SORCS1: variants seen among roughly 807,000 people sequenced by gnomAD.
The protein encoded by SORCS1 is sortilin related VPS10 domain containing receptor 1, also known as VPS10 domain-containing receptor SorCS1.
In SORCS1, 60 loss-of-function variants were observed where a neutral mutation model predicts 146.1. The observed-to-expected ratio is 0.41, with a 90% CI of 0.33 to 0.51. The LOEUF is 0.51. Ranked by LOEUF, SORCS1 falls within the 20% of genes least tolerant of loss-of-function variation. The pLI, the probability that SORCS1 is intolerant of heterozygous loss-of-function variation, is 0.21. For synonymous variants in SORCS1, 637 were observed against 584.0 expected (o/e 1.09, Z -1.31); for missense variants, 1,352 against 1,487.6 (o/e 0.91, Z 1.50).
At chr10:106,827,261 A>G (rs961497826) in intron 3 of SORCS1, among the ~76,000 whole-genome samples, 1 of 141,836 alleles carries the variant, frequency 7.1e-6, no homozygotes, top group Non-Finnish European at 1.5e-5. Flanking sequence ...AACAGAGACT[A>G]TCATTGATTA....
intron 2 of SORCS1, among the ~76,000 whole-genome samples, chr10:106,948,210 A>G (rs1418909147): frequency 6.6e-6 from 1 of 152,206 alleles, no homozygotes; most frequent in Non-Finnish European, 1.5e-5. Context: ...ATGAAGAGAA[A>G]AAAAACAATA....
intron 2 of SORCS1, among the ~76,000 whole-genome samples, chr10:106,926,441 G>A (rs1463712887): frequency 6.6e-6 from 1 of 151,902 alleles, no homozygotes; most frequent in African/African-American, 2.4e-5. Flanking sequence ...GAAAAGTGGG[G>A]ATTAAAAAAA....
chr10:107,047,687 C>A (rs191276687), intron 1 of SORCS1, among the ~76,000 whole-genome samples: 47 of 152,242 alleles, frequency 3.1e-4, no homozygotes, highest in African/African-American at 1.1e-3. Flanking sequence ...CATTTGTCAC[C>A]GCAGTGCGTT....
chr10:106,594,327 T>A (rs1845783387), intron 24 of SORCS1, among the ~76,000 whole-genome samples: 2 of 152,220 alleles, frequency 1.3e-5, no homozygotes, highest in Admixed American at 1.3e-4. Context: ...ATTTTTTAAA[T>A]TCACACATAA....
intron 7 of SORCS1, among the ~76,000 whole-genome samples, chr10:106,707,120 G>C (rs1266751444): frequency 1.3e-5 from 2 of 151,976 alleles, no homozygotes; most frequent in Non-Finnish European, 1.5e-5. Flanking sequence ...AGGAGTGCTG[G>C]CATATTAGAT....
chr10:107,106,744 C>A (rs544028749), intron 1 of SORCS1, among the ~76,000 whole-genome samples: 1 of 152,158 alleles, frequency 6.6e-6, no homozygotes, highest in South Asian at 2.1e-4. Flanking sequence ...TATGTTTAAA[C>A]CTTATACCTG....
intron 1 of SORCS1, among the ~76,000 whole-genome samples, chr10:107,152,739 A>G (rs1018607297): frequency 1.3e-5 from 2 of 152,234 alleles, no homozygotes; most frequent in African/African-American, 2.4e-5. Flanking sequence ...CTGTGAGTCA[A>G]TTAAACCTCT....
At chr10:107,003,776 C>T (rs1957317469) in intron 1 of SORCS1, among the ~76,000 whole-genome samples, 1 of 152,092 alleles carries the variant, frequency 6.6e-6, no homozygotes, top group Non-Finnish European at 1.5e-5. Flanking sequence ...TAGTGTGCCT[C>T]TTGTTACATA....
intron 24 of SORCS1, among the ~76,000 whole-genome samples, chr10:106,589,888 C>CT (rs11329943): frequency 1.3e-5 from 2 of 151,736 alleles, no homozygotes; most frequent in Admixed American, 6.6e-5. Flanking sequence ...TTCTAGCAGC[C>CT]TTTTTTTCAT....
At chr10:106,859,813 C>A (rs569740228) in intron 2 of SORCS1, among the ~76,000 whole-genome samples, 3 of 152,154 alleles carry the variant, frequency 2.0e-5, no homozygotes, top group Non-Finnish European at 4.4e-5. Context: ...CCATGTATTA[C>A]ATTTACATGC....
intron 2 of SORCS1, among the ~76,000 whole-genome samples, chr10:106,885,796 A>T (rs1950977547): frequency 6.6e-6 from 1 of 152,144 alleles, no homozygotes; most frequent in South Asian, 2.1e-4. Flanking sequence ...GGTTTCCCCC[A>T]TACTGCTCTC....
chr10:106,908,150 A>G (rs1310240961), intron 2 of SORCS1, among the ~76,000 whole-genome samples: 2 of 152,112 alleles, frequency 1.3e-5, no homozygotes, highest in Non-Finnish European at 2.9e-5. Flanking sequence ...ATGGATTTGA[A>G]TCCCTGGACT....
chr10:106,830,693 C>T (rs745890419), intron 2 of SORCS1, among the ~76,000 whole-genome samples: 4 of 150,632 alleles, frequency 2.7e-5, no homozygotes, highest in African/African-American at 4.9e-5. Context: ...GTCAGGAATT[C>T]GAGACAAGCC....
chr10:106,851,287 G>T (rs1589551676), intron 2 of SORCS1, among the ~76,000 whole-genome samples: 1 of 152,164 alleles, frequency 6.6e-6, no homozygotes. Flanking sequence ...GGTCATTTAG[G>T]TTTTCTCCTA....
At chr10:107,121,393 A>G (rs1442067173) in intron 1 of SORCS1, among the ~76,000 whole-genome samples, 1 of 152,226 alleles carries the variant, frequency 6.6e-6, no homozygotes, top group Non-Finnish European at 1.5e-5. Flanking sequence ...CAGAAGAAGC[A>G]TCCCCACTGC....
intron 6 of SORCS1, among the ~76,000 whole-genome samples, chr10:106,719,863 A>G (rs533724892): frequency 1.3e-5 from 2 of 152,306 alleles, no homozygotes; most frequent in East Asian, 3.9e-4. Context: ...CCCTCTCTCT[A>G]TTCCAGCCAC....
chr10:106,606,880 A>G (rs1279187420), intron 23 of SORCS1, among the ~76,000 whole-genome samples: 1 of 152,168 alleles, frequency 6.6e-6, no homozygotes, highest in Non-Finnish European at 1.5e-5. Flanking sequence ...GTGAAGAAGG[A>G]CAGGTTTGCT....
intron 18 of SORCS1, among the ~76,000 whole-genome samples, chr10:106,638,413 C>A (rs1428862981): frequency 6.6e-6 from 1 of 151,976 alleles, no homozygotes; most frequent in African/African-American, 2.4e-5. Flanking sequence ...AGGCACGGTA[C>A]ATTCATTGGG....
At position 107,049,581 on chromosome 10, in the gene SORCS1, C is replaced by T. The variant is rs553215432; in HGVS notation, c.559-93001G>A. 3.7e-4 allele frequency among the ~76,000 whole-genome samples: 57 copies of T among 152,214 alleles called. 1 individual carries two copies. The highest frequency in any genetic ancestry group is 2.6e-3 in the Admixed American group (39 of 15,280). ...GTTACATTTCTATTACTGGGAAACT[C>T]CAGCTTCTTTAAATAAGAAAACTTT... On this transcript the variant is annotated intron_variant, in intron 1 of 25. Coordinates refer to ENST00000263054, the MANE Select transcript of SORCS1 (RefSeq NM_052918.5).
Sources: allele counts gnomAD v4.1 joint callset (sites outside exome capture counted in the v4.1 genomes callset), GRCh38; gene constraint gnomAD v4.1.1; transcripts MANE v1.5; gene names NCBI Gene and HGNC (gene_info 2026-07-23, HGNC 2026-07-21).